RPS6KA3: variants seen among roughly 807,000 people sequenced by gnomAD.
The protein encoded by RPS6KA3 is ribosomal protein S6 kinase alpha-3.
A neutral mutation model predicts 67.2 loss-of-function variants in RPS6KA3; 4 were observed. That is an observed-to-expected ratio of 0.06 (90% CI 0.03 to 0.14). The LOEUF (loss-of-function observed/expected upper bound fraction) is 0.14, where lower values mean the gene tolerates loss of function less well. Among genes scored for constraint, RPS6KA3 ranks in the 10% least tolerant of loss-of-function variants. RPS6KA3 has a pLI of 1.00. For synonymous variants in RPS6KA3, 182 were observed against 183.7 expected (o/e 0.99, Z 0.07); for missense variants, 204 against 559.0 (o/e 0.36, Z 6.40).
chrX:20,181,257 T>C (rs915218485), intron 10 of RPS6KA3, among the ~76,000 whole-genome samples: 1 of 111,938 alleles, frequency 8.9e-6, no homozygotes, highest in Admixed American at 9.5e-5. Context: ...TTTTTGATAG[T>C]TCATATTTGA....
At chrX:20,196,897 T>C (rs951018283) in intron 4 of RPS6KA3, among the ~76,000 whole-genome samples, 7 of 111,939 alleles carry the variant, frequency 6.3e-5, no homozygotes, top group Admixed American at 5.7e-4. Flanking sequence ...TGGAGTGCAG[T>C]GGTGTGACCT....
chrX:20,203,767 C>A, intron 4 of RPS6KA3: 1 of 302,049 alleles, frequency 3.3e-6, no homozygotes, highest in Non-Finnish European at 5.8e-6. Flanking sequence ...CAGTTTTAAT[C>A]TTCTAAATGT....
intron 15 of RPS6KA3, 52 bp downstream of exon 15, chrX:20,172,694 A>G: frequency 9.3e-7 from 1 of 1,070,923 alleles, no homozygotes; most frequent in East Asian, 3.3e-5. Context: ...ACTGGTACTG[A>G]CATGCATGAA....
intron 1 of RPS6KA3, among the ~76,000 whole-genome samples, chrX:20,237,379 G>T (rs1252621314): frequency 2.7e-5 from 3 of 111,534 alleles, no homozygotes; most frequent in Non-Finnish European, 5.7e-5. Context: ...TTTTTCATAG[G>T]AATAAAATTT....
At chrX:20,185,077 T>G (rs1373871208) in intron 10 of RPS6KA3, among the ~76,000 whole-genome samples, 1 of 110,873 alleles carries the variant, frequency 9.0e-6, no homozygotes, top group African/African-American at 3.3e-5. Context: ...TACCGAGTAG[T>G]TGGGATTACA....
rs963185378 is a variant in RPS6KA3 at position 20,249,142 on chromosome X, C to T, written c.70-14328G>A. 9.8e-5 allele frequency among the ~76,000 whole-genome samples: 11 copies of T among 112,221 alleles called. No individual in the cohort carries two copies. In the East Asian group the frequency reaches 3.1e-3, roughly 31 times the overall value. On this transcript the variant is annotated intron_variant, in intron 1 of 21. Coordinates refer to ENST00000379565, the MANE Select transcript of RPS6KA3 (RefSeq NM_004586.3). ...TCATCCAAGCTGTTGTGTGTATCGA[C>T]AATTCATTCCTTTTTAGTTAGCGAG...
intron 2 of RPS6KA3, among the ~76,000 whole-genome samples, chrX:20,229,208 C>A (rs1569253779): frequency 9.1e-6 from 1 of 109,431 alleles, no homozygotes; most frequent in South Asian, 3.8e-4. Context: ...ATTAAGGGAC[C>A]CAGATTTCTT....
intron 16 of RPS6KA3, among the ~76,000 whole-genome samples, chrX:20,167,993 G>A (rs1414488068): frequency 2.7e-5 from 3 of 111,975 alleles, no homozygotes; most frequent in African/African-American, 3.2e-5. Context: ...GACTATAGGC[G>A]CATGCCACCA....
At chrX:20,191,622 G>T (rs764863746) in intron 7 of RPS6KA3, among the ~76,000 whole-genome samples, 3 of 103,505 alleles carry the variant, frequency 2.9e-5, no homozygotes, top group Non-Finnish European at 3.9e-5. Context: ...TAATGACCAG[G>T]GATGATGAGC....
At chrX:20,262,429 G>A (rs2070258178) in intron 1 of RPS6KA3, among the ~76,000 whole-genome samples, 1 of 111,675 alleles carries the variant, frequency 9.0e-6, no homozygotes, top group South Asian at 3.7e-4. Context: ...ACTTATTGTG[G>A]TTTCCAGAAA....
intron 1 of RPS6KA3, among the ~76,000 whole-genome samples, chrX:20,257,199 C>T (rs2030548202): frequency 8.9e-6 from 1 of 111,997 alleles, no homozygotes; most frequent in Non-Finnish European, 1.9e-5. Context: ...TAGACGTGAG[C>T]TTCCTTCCAT....
chrX:20,243,176 A>G (rs1227032663), intron 1 of RPS6KA3, among the ~76,000 whole-genome samples: 2 of 112,009 alleles, frequency 1.8e-5, no homozygotes, highest in African/African-American at 6.5e-5. Context: ...AATATTGAGT[A>G]CACACAGTAA....
At chrX:20,184,890 T>C (rs1486889594) in intron 10 of RPS6KA3, among the ~76,000 whole-genome samples, 1 of 112,084 alleles carries the variant, frequency 8.9e-6, no homozygotes, top group Non-Finnish European at 1.9e-5. Context: ...TTCTGCTAGA[T>C]TTATCACTAG....
intron 2 of RPS6KA3, among the ~76,000 whole-genome samples, chrX:20,224,827 AAG>A (rs2069070930): frequency 9.0e-6 from 1 of 111,419 alleles, no homozygotes; most frequent in African/African-American, 3.3e-5. Context: ...CGTCGGCATG[AAG>A]AGAGGGTGAG....
intron 7 of RPS6KA3, among the ~76,000 whole-genome samples, chrX:20,192,882 C>A (rs1273203041): frequency 9.1e-6 from 1 of 110,479 alleles, no homozygotes; most frequent in African/African-American, 3.3e-5. Context: ...CCATGCCAGA[C>A]CAAAAATAAC....
chrX:20,246,453 T>A (rs1046823059), intron 1 of RPS6KA3, among the ~76,000 whole-genome samples: 3 of 111,256 alleles, frequency 2.7e-5, no homozygotes, highest in Non-Finnish European at 5.7e-5. Flanking sequence ...CACTTCCATT[T>A]CTAGGGCTAA....
intron 1 of RPS6KA3, among the ~76,000 whole-genome samples, chrX:20,247,428 C>G (rs2069721431): frequency 9.0e-6 from 1 of 111,256 alleles, no homozygotes. Flanking sequence ...CTTTACTAAA[C>G]ATTGTTAAGT....
chrX:20,209,494 A>G, intron 2 of RPS6KA3, 90 bp from the exon 3 acceptor site: 1 of 526,249 alleles, frequency 1.9e-6, no homozygotes, highest in Admixed American at 2.7e-5. Flanking sequence ...TAATCTTACT[A>G]GAAATTAATT....
intron 1 of RPS6KA3, among the ~76,000 whole-genome samples, chrX:20,249,257 TA>T (rs1303537250): frequency 1.8e-5 from 2 of 112,268 alleles, no homozygotes; most frequent in African/African-American, 3.2e-5. Context: ...ATAGTACAAA[TA>T]AAGCTGCTAG....
Sources: allele counts gnomAD v4.1 joint callset (sites outside exome capture counted in the v4.1 genomes callset), GRCh38; gene constraint gnomAD v4.1.1; transcripts MANE v1.5; gene names NCBI Gene and HGNC (gene_info 2026-07-23, HGNC 2026-07-21).